Variants in LRFN2 observed in about 807,000 individuals in gnomAD.
The protein encoded by LRFN2 is leucine rich repeat and fibronectin type III domain containing 2.
A neutral mutation model predicts 37.3 loss-of-function variants in LRFN2; 18 were observed. That is an observed-to-expected ratio of 0.48 (90% CI 0.33 to 0.72). LRFN2 has a LOEUF of 0.72. Among genes scored for constraint, LRFN2 ranks in the 30% least tolerant of loss-of-function variants. The pLI, the probability that LRFN2 is intolerant of heterozygous loss-of-function variation, is 0.02. For synonymous variants in LRFN2, 556 were observed against 466.6 expected, an observed-to-expected ratio of 1.19 and a Z score of -2.47; for missense variants, 1,006 against 1,060.7, an observed-to-expected ratio of 0.95 and a Z score of 0.72.
chr6:40,427,604 A>G (rs1763385747), intron 2 of LRFN2, among the ~76,000 whole-genome samples: 1 of 152,190 alleles, frequency 6.6e-6, no homozygotes, highest in Non-Finnish European at 1.5e-5. Context: ...ACTTGGCAGG[A>G]TTTGCCCTTA....
chr6:40,534,908 A>G (rs957201485), intron 1 of LRFN2, among the ~76,000 whole-genome samples: 2 of 152,088 alleles, frequency 1.3e-5, no homozygotes, highest in Non-Finnish European at 1.5e-5. Context: ...CCAGGATCTC[A>G]TTTCACAGAT....
intron 1 of LRFN2, among the ~76,000 whole-genome samples, chr6:40,487,097 T>C (rs530834471): frequency 3.9e-5 from 6 of 152,250 alleles, no homozygotes; most frequent in African/African-American, 1.4e-4. Flanking sequence ...CCTGAGGACA[T>C]GAACCAATGT....
chr6:40,399,498 C>T (rs1208065525), intron 2 of LRFN2, among the ~76,000 whole-genome samples: 5 of 137,582 alleles, frequency 3.6e-5, no homozygotes, highest in Non-Finnish European at 6.1e-5. Flanking sequence ...TACAGTGGTG[C>T]GATCTCTCGG....
intron 2 of LRFN2, among the ~76,000 whole-genome samples, chr6:40,415,897 A>G (rs1484953850): frequency 6.6e-6 from 1 of 152,252 alleles, no homozygotes; most frequent in East Asian, 1.9e-4. Context: ...TTCAAAAATT[A>G]ACTGAACATA....
rs557424045 is a variant in LRFN2 at position 40,568,469 on chromosome 6, CA to C, written c.-19+18471del. On this transcript the variant is annotated intron_variant, in intron 1 of 2. Transcript: ENST00000338305. The stretch of plus-strand genomic sequence containing the variant: ...CAAAATGGCCCACATGGGTGAGGGG[CA>C]AAAAAAAGTTATGTATGTGGGTGGC... Among the ~76,000 whole-genome samples the C allele has an allele frequency of 2.5e-3, 374 of 151,760 alleles. 1 individual carries two copies. Among genetic ancestry groups the C allele is most frequent in the Non-Finnish European group, 4.4e-3 (297 of 67,880 alleles).
intron 2 of LRFN2, among the ~76,000 whole-genome samples, chr6:40,406,687 G>A (rs141613966): frequency 8.4e-4 from 128 of 152,312 alleles, no homozygotes; most frequent in Admixed American, 2.3e-3. Flanking sequence ...GACAGACTGC[G>A]TCTTCCTCCC....
chr6:40,419,910 C>A (rs9367056), intron 2 of LRFN2, among the ~76,000 whole-genome samples: 2 of 152,132 alleles, frequency 1.3e-5, no homozygotes, highest in African/African-American at 4.8e-5. Flanking sequence ...TAACCTTTTG[C>A]GGGGCTAATT....
intron 1 of LRFN2, among the ~76,000 whole-genome samples, chr6:40,469,520 T>C (rs184646946): frequency 3.2e-4 from 49 of 152,316 alleles, no homozygotes; most frequent in African/African-American, 9.6e-4. Context: ...CTCCACCCCA[T>C]GTCTGATTCT....
intron 1 of LRFN2, among the ~76,000 whole-genome samples, chr6:40,537,160 A>C (rs1043159253): frequency 2.0e-5 from 3 of 152,130 alleles, no homozygotes; most frequent in African/African-American, 4.8e-5. Flanking sequence ...CACTCCCTAA[A>C]AGGACTGTGA....
intron 1 of LRFN2, among the ~76,000 whole-genome samples, chr6:40,509,228 A>C (rs1437163764): frequency 6.6e-6 from 1 of 152,262 alleles, no homozygotes; most frequent in Non-Finnish European, 1.5e-5. Context: ...GCTTTCTATG[A>C]ATAATCTTGT....
intron 2 of LRFN2, among the ~76,000 whole-genome samples, chr6:40,402,325 G>A (rs1762755975): frequency 2.0e-5 from 3 of 152,192 alleles, no homozygotes. Flanking sequence ...GAAAGTGGCT[G>A]AGCCAGGTCT....
chr6:40,479,556 A>T (rs1764781053), intron 1 of LRFN2, among the ~76,000 whole-genome samples: 2 of 152,206 alleles, frequency 1.3e-5, no homozygotes, highest in South Asian at 4.1e-4. Context: ...TAAAATTTCC[A>T]GGAGCCTCCC....
At chr6:40,570,477 G>C (rs1767167256) in intron 1 of LRFN2, among the ~76,000 whole-genome samples, 1 of 152,168 alleles carries the variant, frequency 6.6e-6, no homozygotes, top group Non-Finnish European at 1.5e-5. Flanking sequence ...TGTGCAGCCA[G>C]ATTTCTGCAC....
intron 2 of LRFN2, among the ~76,000 whole-genome samples, chr6:40,411,610 C>T (rs945773678): frequency 2.6e-5 from 4 of 152,144 alleles, no homozygotes; most frequent in Non-Finnish European, 5.9e-5. Context: ...CTGGCCTCTT[C>T]GTTGCTCCTC....
At chr6:40,425,345 C>A (rs746021925) in intron 2 of LRFN2, among the ~76,000 whole-genome samples, 3 of 152,236 alleles carry the variant, frequency 2.0e-5, no homozygotes, top group Non-Finnish European at 2.9e-5. Flanking sequence ...CTGCTCTTCC[C>A]CTGGCTCTCC....
intron 1 of LRFN2, among the ~76,000 whole-genome samples, chr6:40,451,005 T>C (rs1436850275): frequency 2.0e-5 from 3 of 152,200 alleles, no homozygotes; most frequent in Admixed American, 6.5e-5. Flanking sequence ...ACACCATAAA[T>C]GCATCTCCAT....
intron 1 of LRFN2, among the ~76,000 whole-genome samples, chr6:40,569,871 C>T (rs1767156500): frequency 6.6e-6 from 1 of 152,138 alleles, no homozygotes; most frequent in South Asian, 2.1e-4. Context: ...GCATAGCATG[C>T]AGGGCCGTCT....
intron 1 of LRFN2, among the ~76,000 whole-genome samples, chr6:40,552,875 A>G (rs942950374): frequency 1.3e-5 from 2 of 152,234 alleles, no homozygotes; most frequent in African/African-American, 4.8e-5. Flanking sequence ...TTTCTTGACT[A>G]GAATAATTCT....
At chr6:40,459,162 C>T (rs560637690) in intron 1 of LRFN2, among the ~76,000 whole-genome samples, 1 of 152,324 alleles carries the variant, frequency 6.6e-6, no homozygotes, top group Non-Finnish European at 1.5e-5. Flanking sequence ...GGTCCCTGGA[C>T]TAGGCAGGCA....
Sources: gnomAD v4.1 joint callset for allele counts (sites outside exome capture counted in the v4.1 genomes callset) on GRCh38, gnomAD v4.1.1 for gene constraint, MANE v1.5 for transcripts, NCBI Gene and HGNC (gene_info 2026-07-23, HGNC 2026-07-21) for gene names.